Variants in SLC5A12 observed in about 807,000 individuals in gnomAD.
SLC5A12 encodes the protein sodium-coupled monocarboxylate transporter 2.
SLC5A12 carries 46 observed loss-of-function variants against 72.7 expected under a neutral mutation model. That is an observed-to-expected ratio of 0.63 (90% confidence interval 0.50 to 0.81). The LOEUF is 0.81. SLC5A12 is among the 30% of genes least tolerant of loss of function. SLC5A12 has a pLI of 0.00. For missense variants in SLC5A12, 683 were observed against 740.7 expected (o/e 0.92, Z 0.90); for synonymous variants, 275 against 264.4 (o/e 1.04, Z -0.39).
At chr11:26,696,633 T>C (rs1854821908) in intron 8 of SLC5A12, among the ~76,000 whole-genome samples, 2 of 152,212 alleles carry the variant, frequency 1.3e-5, no homozygotes, top group South Asian at 2.1e-4. Flanking sequence ...CTGTAGGCAA[T>C]TGTAATACAA....
intron 13 of SLC5A12, among the ~76,000 whole-genome samples, chr11:26,675,536 C>T (rs1854245450): frequency 6.6e-6 from 1 of 152,022 alleles, no homozygotes; most frequent in African/African-American, 2.4e-5. Flanking sequence ...TGTAGACATA[C>T]TAGGTGAGAA....
At chr11:26,694,204 T>C (rs769944970) in intron 8 of SLC5A12, among the ~76,000 whole-genome samples, 1 of 152,136 alleles carries the variant, frequency 6.6e-6, no homozygotes, top group Non-Finnish European at 1.5e-5. Flanking sequence ...TCAACCACTA[T>C]CTTCCCATTC....
At chr11:26,700,885 G>A (rs560717937) in intron 6 of SLC5A12, among the ~76,000 whole-genome samples, 2 of 152,142 alleles carry the variant, frequency 1.3e-5, no homozygotes, top group African/African-American at 2.4e-5. Context: ...TCTAACCCAT[G>A]CCCACTTTTA....
At chr11:26,694,519 C>T (rs1242434240) in intron 8 of SLC5A12, among the ~76,000 whole-genome samples, 1 of 152,106 alleles carries the variant, frequency 6.6e-6, no homozygotes, top group East Asian at 1.9e-4. Context: ...TATCTCTGTC[C>T]TTAGTGTCCT....
chr11:26,708,305 G>A (rs568886611), intron 4 of SLC5A12, among the ~76,000 whole-genome samples: 2 of 152,104 alleles, frequency 1.3e-5, no homozygotes, highest in East Asian at 1.9e-4. Flanking sequence ...TCAGAGGTAA[G>A]AGGAGCAAGA....
intron 1 of SLC5A12, among the ~76,000 whole-genome samples, chr11:26,714,031 C>G (rs544268340): frequency 6.6e-6 from 1 of 152,040 alleles, no homozygotes; most frequent in East Asian, 1.9e-4. Flanking sequence ...TATATAGAGC[C>G]TCTCTGGATA....
chr11:26,692,327 G>A (rs1854700025), intron 9 of SLC5A12, 162 bp downstream of exon 9: 3 of 604,958 alleles, frequency 5.0e-6, no homozygotes, highest in East Asian at 5.6e-5. Context: ...CTGATACCCT[G>A]CTGGATCTTT....
chr11:26,713,784 C>T (rs76376804), intron 1 of SLC5A12, among the ~76,000 whole-genome samples: 2,370 of 152,122 alleles, frequency 0.016, 58 homozygotes, highest in African/African-American at 0.053. Context: ...GTACTGAAAA[C>T]CAAAAGTTAA....
rs769429865 is a variant in SLC5A12 at position 26,678,804 on chromosome 11, G to A, written c.1487C>T (p.Ala496Val). The change falls in exon 13 of 15, where the codon GCT becomes GTT. Residue 496 changes from alanine (A) to valine (V), a missense_variant. Physicochemically the swap from Ala to Val is moderately conservative, Grantham distance 64. Coordinates refer to ENST00000396005, the MANE Select transcript of SLC5A12 (RefSeq NM_178498.4). ...GTAGGAGATCGAGTACCAGGTATCA[G>A]CTATTCCAGGTCTGTGGAGAACAGC... ...PPVLSSRPGI[A>V]DTWYSISYLY... 43 of 1,611,564 alleles carry A rather than the reference G, an allele frequency of 2.7e-5. No homozygotes were observed. The East Asian group carries it at 8.9e-4, about 33-fold the overall frequency.
intron 10 of SLC5A12, among the ~76,000 whole-genome samples, chr11:26,685,204 T>G (rs1409651659): frequency 6.6e-6 from 1 of 152,202 alleles, no homozygotes; most frequent in East Asian, 1.9e-4. Flanking sequence ...AGTTACACTG[T>G]TCTGGGAACT....
chr11:26,723,111 A>C (rs188211340), upstream of SLC5A12, among the ~76,000 whole-genome samples: 8 of 152,134 alleles, frequency 5.3e-5, no homozygotes, highest in Admixed American at 5.2e-4. Context: ...AAAATAAAAA[A>C]AATAATTTTT....
At position 26,681,208 on chromosome 11, in the gene SLC5A12, C is replaced by G; in HGVS notation, c.1322G>C (p.Gly441Ala). 6.3e-7 allele frequency: 1 copy of G among 1,595,442 alleles called. No individual in the cohort carries two copies. Among genetic ancestry groups the G allele is most frequent in the Non-Finnish European group, 8.5e-7 (1 of 1,171,752 alleles). The change falls in exon 12 of 15, where the codon GGT becomes GCT. Residue 441 changes from glycine (G) to alanine (A), a missense_variant. Coordinates refer to ENST00000396005, the MANE Select transcript of SLC5A12 (RefSeq NM_178498.4). Reference sequence around the variant, plus strand: ...TGACAAGGTGATTCCAGTAAGAAGACCTCCTAGTGCACCCTGGATGAAGAA... The same window carrying G: ...TGACAAGGTGATTCCAGTAAGAAGAGCTCCTAGTGCACCCTGGATGAAGAA... ...PFVNWKGALG[G>A]LLTGITLSFW...
Position 26,703,522 on chromosome 11 carries a change from A to C in SLC5A12, c.821+9T>G, listed in dbSNP as rs775421844. 187 of 1,612,618 alleles carry C rather than the reference A, an allele frequency of 1.2e-4. No homozygotes were observed. Among genetic ancestry groups the C allele is most frequent in the Non-Finnish European group, 1.5e-4 (175 of 1,179,806 alleles). Reference sequence around the variant, plus strand: ...AAAACATTAAAATTTTTCTTGACTGAGAACTTACAGCTTAGCATGCTTTTC... The same window carrying C: ...AAAACATTAAAATTTTTCTTGACTGCGAACTTACAGCTTAGCATGCTTTTC... On this transcript the variant is annotated intron_variant, in intron 6 of 14. Transcript: ENST00000396005.
intron 4 of SLC5A12, among the ~76,000 whole-genome samples, chr11:26,704,790 A>C (rs1855045933): frequency 6.6e-6 from 1 of 152,144 alleles, no homozygotes; most frequent in Admixed American, 6.6e-5. Context: ...AAAACTAACA[A>C]ATAGGATCTG....
rs1269614861 is a variant in SLC5A12, at chr11:26,695,879, T to G, written c.1040+1285A>C. On this transcript the variant is annotated intron_variant, in intron 8 of 14. Coordinates refer to ENST00000396005, the MANE Select transcript of SLC5A12 (RefSeq NM_178498.4). ...CTCCTTCCAGGGCCTTAGGTGCCAG[T>G]GTTTCCTGTGTTCCTCAAACACTCC... Among the ~76,000 whole-genome samples, 4 of 152,200 alleles carry G rather than the reference T, an allele frequency of 2.6e-5. No individual in the cohort carries two copies. The East Asian group carries it at 7.7e-4, about 29-fold the overall frequency.
chr11:26,686,016 G>A (rs1221095070), intron 10 of SLC5A12, among the ~76,000 whole-genome samples: 1 of 152,112 alleles, frequency 6.6e-6, no homozygotes, highest in African/African-American at 2.4e-5. Context: ...TGGAAAATTA[G>A]TGCATTAATT....
At chr11:26,674,459 G>A (rs889432243) in intron 13 of SLC5A12, among the ~76,000 whole-genome samples, 1 of 152,026 alleles carries the variant, frequency 6.6e-6, no homozygotes, top group Admixed American at 6.6e-5. Flanking sequence ...GAATGCAGTG[G>A]CATGATCTCG....
intron 6 of SLC5A12, among the ~76,000 whole-genome samples, chr11:26,702,611 T>C (rs1157747031): frequency 6.6e-6 from 1 of 152,092 alleles, no homozygotes; most frequent in African/African-American, 2.4e-5. Flanking sequence ...CTTTGGAGCA[T>C]GGGGTGGCTT....
intron 9 of SLC5A12, among the ~76,000 whole-genome samples, chr11:26,688,709 A>G (rs1273347834): frequency 6.6e-6 from 1 of 152,228 alleles, no homozygotes; most frequent in Non-Finnish European, 1.5e-5. Flanking sequence ...CATACAAGTC[A>G]AGAGAAAACA....
Sources: gnomAD v4.1 joint callset for allele counts (sites outside exome capture counted in the v4.1 genomes callset) on GRCh38, gnomAD v4.1.1 for gene constraint, MANE v1.5 for transcripts, NCBI Gene and HGNC (gene_info 2026-07-23, HGNC 2026-07-21) for gene names.